Variants in BICC1 observed in about 807,000 individuals in gnomAD.
BICC1 encodes the protein protein bicaudal C homolog 1.
BICC1 carries 43 observed loss-of-function variants against 111.0 expected under a neutral mutation model. That is an observed-to-expected ratio of 0.39 (90% CI 0.30 to 0.50). The LOEUF is 0.50. Ranked by LOEUF, BICC1 falls within the 20% of genes least tolerant of loss-of-function variation. The pLI, the probability that BICC1 is intolerant of heterozygous loss-of-function variation, is 0.88. For missense variants in BICC1, 1,091 were observed against 1,203.2 expected, an observed-to-expected ratio of 0.91 and a Z score of 1.38; for synonymous variants, 467 against 434.4, an observed-to-expected ratio of 1.07 and a Z score of -0.93.
intron 1 of BICC1, among the ~76,000 whole-genome samples, chr10:58,514,132 TA>T (rs1842178263): frequency 6.6e-6 from 1 of 152,254 alleles, no homozygotes; most frequent in Non-Finnish European, 1.5e-5. Flanking sequence ...TTCTGATTTA[TA>T]ATACGAGTGT....
At chr10:58,799,012 C>CT in intron 11 of BICC1, 44 bp from the exon 12 acceptor site, 2 of 1,344,102 alleles carry the variant, frequency 1.5e-6, no homozygotes, top group African/African-American at 2.9e-5. Flanking sequence ...ATAGTTGAAT[C>CT]TGAGTTTCTT....
At chr10:58,553,414 G>A (rs1658447) in intron 1 of BICC1, among the ~76,000 whole-genome samples, 69,949 of 151,928 alleles carry the variant, frequency 0.46, 17,205 homozygotes, top group Admixed American at 0.62. Flanking sequence ...AAGGAATGTC[G>A]GCAGCCTCTA....
rs117754681 is a variant in BICC1 at position 58,540,871 on chromosome 10, G to A, written c.190+27538G>A. 1.2e-3 allele frequency among the ~76,000 whole-genome samples: 183 copies of A among 152,098 alleles called. 3 individuals carry two copies. In the East Asian group the frequency reaches 0.035, roughly 29 times the overall value. On this transcript the variant is annotated intron_variant, in intron 1 of 20. Coordinates refer to ENST00000373886, the MANE Select transcript of BICC1 (RefSeq NM_001080512.3). ...AGAGTGGTGCATTATGACCAAGTGG[G>A]ATTTATTACTGAAATGCAAGTATGG...
intron 1 of BICC1, among the ~76,000 whole-genome samples, chr10:58,571,708 A>C (rs1370740826): frequency 6.6e-6 from 1 of 152,182 alleles, no homozygotes; most frequent in Non-Finnish European, 1.5e-5. Context: ...CATCATGTAT[A>C]TGTGCCACCT....
intron 2 of BICC1, among the ~76,000 whole-genome samples, chr10:58,695,322 G>C (rs571020261): frequency 6.6e-6 from 1 of 152,108 alleles, no homozygotes; most frequent in East Asian, 1.9e-4. Flanking sequence ...GAAATGCAGC[G>C]AATAGACTAC....
At chr10:58,599,721 G>A (rs940058962) in intron 1 of BICC1, among the ~76,000 whole-genome samples, 1 of 152,066 alleles carries the variant, frequency 6.6e-6, no homozygotes. Context: ...CCAGAAAGGG[G>A]TTGGGGACAG....
chr10:58,539,011 A>G (rs1842893250), intron 1 of BICC1, among the ~76,000 whole-genome samples: 1 of 151,748 alleles, frequency 6.6e-6, no homozygotes, highest in Non-Finnish European at 1.5e-5. Context: ...TCTATAGAAT[A>G]CAGTATGGAG....
chr10:58,755,926 T>C (rs1383058026), intron 3 of BICC1, among the ~76,000 whole-genome samples: 2 of 152,204 alleles, frequency 1.3e-5, no homozygotes, highest in African/African-American at 4.8e-5. Flanking sequence ...TGCCGTGAGA[T>C]AATTTCACTT....
intron 2 of BICC1, among the ~76,000 whole-genome samples, chr10:58,658,947 C>T (rs963809767): frequency 6.6e-6 from 1 of 152,132 alleles, no homozygotes; most frequent in African/African-American, 2.4e-5. Flanking sequence ...GTTCTGCACC[C>T]TCCCAGCAGA....
At chr10:58,652,368 C>A (rs1445184463) in intron 2 of BICC1, among the ~76,000 whole-genome samples, 1 of 152,108 alleles carries the variant, frequency 6.6e-6, no homozygotes. Flanking sequence ...TGTCTCTTGG[C>A]ACAGTGTCTG....
At chr10:58,525,682 T>TTTTA (rs1842516426) in intron 1 of BICC1, among the ~76,000 whole-genome samples, 1 of 120,390 alleles carries the variant, frequency 8.3e-6, no homozygotes, top group Admixed American at 1.1e-4. Flanking sequence ...CTGCACGTTG[T>TTTTA]GTACATGTAC....
At chr10:58,733,749 C>T (rs117120153) in intron 3 of BICC1, among the ~76,000 whole-genome samples, 1 of 152,234 alleles carries the variant, frequency 6.6e-6, no homozygotes, top group Non-Finnish European at 1.5e-5. Context: ...GGCCTAGCAT[C>T]ATAAATGCAT....
chr10:58,725,352 G>A (rs1841071586), intron 3 of BICC1, among the ~76,000 whole-genome samples: 11 of 152,074 alleles, frequency 7.2e-5, no homozygotes, highest in Admixed American at 7.2e-4. Flanking sequence ...CCCAACTGCA[G>A]ACTCTGCCCA....
At chr10:58,740,800 C>T (rs1841636273) in intron 3 of BICC1, among the ~76,000 whole-genome samples, 1 of 152,018 alleles carries the variant, frequency 6.6e-6, no homozygotes, top group Non-Finnish European at 1.5e-5. Context: ...ATGAATTGTT[C>T]GCCAGATGGA....
chr10:58,515,103 T>G (rs1842206877), intron 1 of BICC1, among the ~76,000 whole-genome samples: 1 of 152,244 alleles, frequency 6.6e-6, no homozygotes, highest in Non-Finnish European at 1.5e-5. Context: ...TCACTTCGAA[T>G]AAAATGAAAT....
chr10:58,657,300 G>A (rs1306507149), intron 2 of BICC1, among the ~76,000 whole-genome samples: 2 of 152,140 alleles, frequency 1.3e-5, no homozygotes, highest in African/African-American at 2.4e-5. Flanking sequence ...ACTCATTGGC[G>A]TTTTTGTCTG....
rs77467482 is a variant in BICC1 at position 58,745,255 on chromosome 10, G to T, written c.308-39746G>T. Among the ~76,000 whole-genome samples, 1,281 of 152,104 alleles carry T rather than the reference G, an allele frequency of 8.4e-3. 16 individuals are homozygous for T. Among genetic ancestry groups the T allele is most frequent in the African/African-American group, 0.029 (1,204 of 41,498 alleles). ...TTGGGCTCTGGAACTTGACTAACTG[G>T]GTTGAATGCTGGTTCCGCCACTTAT... On this transcript the variant is annotated intron_variant, in intron 3 of 20. Coordinates refer to ENST00000373886, the MANE Select transcript of BICC1 (RefSeq NM_001080512.3).
At chr10:58,810,209 C>T (rs1343821098) in intron 17 of BICC1, among the ~76,000 whole-genome samples, 1 of 152,216 alleles carries the variant, frequency 6.6e-6, no homozygotes, top group East Asian at 1.9e-4. Context: ...GATCACAGAT[C>T]ACTTTCTGTG....
chr10:58,580,845 C>G (rs966215008), intron 1 of BICC1, among the ~76,000 whole-genome samples: 1 of 152,164 alleles, frequency 6.6e-6, no homozygotes, highest in Non-Finnish European at 1.5e-5. Context: ...TTTTAAAGCT[C>G]AAACCATATC....
Sources: gnomAD v4.1 joint callset for allele counts (sites outside exome capture counted in the v4.1 genomes callset) on GRCh38, gnomAD v4.1.1 for gene constraint, MANE v1.5 for transcripts, NCBI Gene and HGNC (gene_info 2026-07-23, HGNC 2026-07-21) for gene names.